The following RHBDF2 variants were observed in gnomAD, a reference collection of about 807,000 sequenced individuals.
RHBDF2 encodes rhomboid 5 homolog 2.
In RHBDF2, 38 loss-of-function variants were observed where a neutral mutation model predicts 95.2. The ratio of observed to expected loss-of-function variants is 0.40; its 90% CI spans 0.31 to 0.52. The LOEUF (loss-of-function observed/expected upper bound fraction) is 0.52, where lower values mean the gene tolerates loss of function less well. Ranked by LOEUF, RHBDF2 falls within the 20% of genes least tolerant of loss-of-function variation. The pLI is 0.56. For missense variants in RHBDF2, 863 were observed against 1,137.7 expected (o/e 0.76, Z 3.47); for synonymous variants, 442 against 462.0 (o/e 0.96, Z 0.55).
At chr17:76,488,818 G>A (rs1428253717) in intron 1 of RHBDF2, among the ~76,000 whole-genome samples, 1 of 151,312 alleles carries the variant, frequency 6.6e-6, no homozygotes, top group Non-Finnish European at 1.5e-5. Flanking sequence ...TGTGGTGGCG[G>A]GCGCCTGTAA....
chr17:76,475,292 G>A, intron 9 of RHBDF2, 151 bp from the exon 10 acceptor site: 1 of 604,002 alleles, frequency 1.7e-6, no homozygotes. Context: ...CTTTTAAGAC[G>A]AGCCTCCAAG....
chr17:76,472,479 A>G lies in RHBDF2; in HGVS notation c.2064+207T>C, dbSNP rs538246332. On this transcript the variant is annotated intron_variant, in intron 18 of 18. Coordinates refer to ENST00000675367, the MANE Select transcript of RHBDF2 (RefSeq NM_001005498.4). ...GTTAGGAAGATAAATGAGGCGGTGG[A>G]GGGACAGGGTGACTCAAGAGCATCA... 2.3e-4 allele frequency: 155 copies of G among 676,732 alleles called. No individual in the cohort carries two copies. The African/African-American group carries it at 2.4e-3, about 11-fold the overall frequency. 41.9% of individuals were successfully genotyped at this position (676,732 alleles called of 1,614,324 possible). A position where few individuals can be genotyped will look rare whatever the true frequency, so the allele number is the denominator to read the frequency against.
At chr17:76,499,088 G>T (rs1244368786) in intron 1 of RHBDF2, among the ~76,000 whole-genome samples, 2 of 151,812 alleles carry the variant, frequency 1.3e-5, no homozygotes, top group Non-Finnish European at 2.9e-5. Flanking sequence ...TGTTTTTTGT[G>T]CAAATGAAAA....
intron 2 of RHBDF2, among the ~76,000 whole-genome samples, chr17:76,482,118 T>C (rs543557252): frequency 1.4e-4 from 21 of 152,124 alleles, no homozygotes; most frequent in African/African-American, 4.8e-4. Flanking sequence ...CCGGACCATA[T>C]GGGTCTGGGA....
rs911117702 is a variant in RHBDF2, at chr17:76,477,875, C to G, written c.673-90G>C. 3.9e-6 allele frequency: 6 copies of G among 1,543,708 alleles called. No homozygotes were observed. The Admixed American group carries it at 9.3e-5, about 24-fold the overall frequency. Reference sequence around the variant, plus strand: ...CACCGAAGGAATCATCAAGCCCATCCGCCTGCAGGCAGCGCCTTGGGAGGA... The same window carrying G: ...CACCGAAGGAATCATCAAGCCCATCGGCCTGCAGGCAGCGCCTTGGGAGGA... On this transcript the variant is annotated intron_variant, in intron 6 of 18. Coordinates refer to ENST00000675367, the MANE Select transcript of RHBDF2 (RefSeq NM_001005498.4).
In RHBDF2 at chr17:76,488,880, G is replaced by A. The variant is rs958875832; in HGVS notation, c.-219-971C>T. On this transcript the variant is annotated intron_variant, in intron 1 of 18. Transcript: ENST00000675367. ...GGAGAATCACTTAAACATGGGAGGC[G>A]GAGGTTGCAGTGAGCCAAGATCGCG... 8.5e-5 allele frequency among the ~76,000 whole-genome samples: 13 copies of A among 152,172 alleles called. No homozygotes were observed. In the East Asian group the frequency reaches 1.2e-3, roughly 14 times the overall value.
intron 4 of RHBDF2, 151 bp downstream of exon 4, chr17:76,479,582 T>C (rs1403656559): frequency 5.5e-6 from 4 of 727,256 alleles, no homozygotes; most frequent in South Asian, 1.6e-5. Flanking sequence ...ATCTATACCA[T>C]GATAATAGGC....
At chr17:76,486,354 C>A (rs540764367) in intron 2 of RHBDF2, among the ~76,000 whole-genome samples, 12 of 152,268 alleles carry the variant, frequency 7.9e-5, no homozygotes, top group Admixed American at 7.2e-4. Context: ...AAGTTTGCTT[C>A]GGCCTCTCAG....
intron 12 of RHBDF2, 81 bp from the exon 13 acceptor site, chr17:76,474,223 C>A: frequency 7.5e-7 from 1 of 1,337,504 alleles, no homozygotes; most frequent in Non-Finnish European, 1.0e-6. Flanking sequence ...AGGCTTTTCC[C>A]ATCTCCCCAG....
intron 2 of RHBDF2, among the ~76,000 whole-genome samples, chr17:76,486,065 T>C (rs2074116985): frequency 7.8e-6 from 1 of 128,240 alleles, no homozygotes; most frequent in Non-Finnish European, 1.6e-5. Flanking sequence ...TCTGTGAATA[T>C]GTATATATAT....
intron 17 of RHBDF2, 83 bp from the exon 18 acceptor site, chr17:76,472,922 C>A: frequency 6.3e-7 from 1 of 1,590,354 alleles, no homozygotes; most frequent in Non-Finnish European, 8.6e-7. Context: ...CCGGCCATGC[C>A]CTGGCCCAGG....
intron 6 of RHBDF2, 54 bp from the exon 7 acceptor site, chr17:76,477,839 C>A: frequency 6.3e-7 from 1 of 1,590,318 alleles, no homozygotes; most frequent in South Asian, 1.1e-5. Context: ...CACCTAGGCC[C>A]CCAGCCCCAA....
At chr17:76,474,328 C>G (rs201641424) in intron 12 of RHBDF2, 45 bp downstream of exon 12, 1 of 1,595,434 alleles carries the variant, frequency 6.3e-7, no homozygotes, top group South Asian at 1.1e-5. Context: ...GGAGCTAGTC[C>G]GGGACCAGGG....
At chr17:76,485,135 C>T (rs531476436) in intron 2 of RHBDF2, among the ~76,000 whole-genome samples, 6 of 152,120 alleles carry the variant, frequency 3.9e-5, no homozygotes, top group South Asian at 4.2e-4. Context: ...AGGCTGGGCG[C>T]GGTGGCTCAT....
Position 76,479,027 on chromosome 17 carries a change from G to A in RHBDF2, c.469-18C>T, listed in dbSNP as rs531803109. 3.7e-5 allele frequency: 60 copies of A among 1,608,098 alleles called. No individual in the cohort carries two copies. The highest frequency in any genetic ancestry group is 1.3e-4 in the Admixed American group (8 of 59,646). ...TCCACAATCTGGAAGGGAGGGGGGC[G>A]GTAAGCAGAGCCATTAGGGTCCCCA... On this transcript the variant is annotated intron_variant, in intron 5 of 18. Transcript: ENST00000675367.
intron 11 of RHBDF2, 70 bp downstream of exon 11, chr17:76,474,660 C>T (rs780133020): frequency 1.1e-5 from 18 of 1,613,358 alleles, no homozygotes; most frequent in Non-Finnish European, 1.5e-5. Flanking sequence ...AGGAGCCCAC[C>T]TGCCCAGCTG....
Position 76,472,008 on chromosome 17 carries a change from G to T in RHBDF2, c.2109C>A (p.Phe703Leu). 6.3e-7 allele frequency: 1 copy of T among 1,576,100 alleles called. No individual in the cohort carries two copies. The highest frequency in any genetic ancestry group is 2.3e-5 in the East Asian group (1 of 43,320). ...GSQFGLLACL[F>L]VELFQSWPLL... The stretch of plus-strand genomic sequence containing the variant: ...GCGGCCAGCTCTGGAAGAGCTCCAC[G>T]AAGAGGCAGGCGAGGAGGCCGAACT... The change falls in exon 19 of 19, where the codon TTC becomes TTA. Residue 703 changes from phenylalanine to leucine, a missense_variant. Physicochemically the swap from Phe to Leu is conservative, Grantham distance 22. Coordinates refer to ENST00000675367, the MANE Select transcript of RHBDF2 (RefSeq NM_001005498.4).
At chr17:76,491,569 C>T (rs554322352) in intron 1 of RHBDF2, among the ~76,000 whole-genome samples, 62 of 152,314 alleles carry the variant, frequency 4.1e-4, no homozygotes, top group South Asian at 1.2e-3. Flanking sequence ...GCCTGGGCAG[C>T]GGCCTGAGAG....
At chr17:76,474,255 G>C in intron 12 of RHBDF2, 113 bp from the exon 13 acceptor site, 1 of 1,361,544 alleles carries the variant, frequency 7.3e-7, no homozygotes, top group South Asian at 1.3e-5. Context: ...ATCTATGGGG[G>C]TCTGGGAAAG....
Sources: allele counts gnomAD v4.1 joint callset (sites outside exome capture counted in the v4.1 genomes callset), GRCh38; gene constraint gnomAD v4.1.1; transcripts MANE v1.5; gene names NCBI Gene and HGNC (gene_info 2026-07-23, HGNC 2026-07-21).